The following PPIL4 variants were observed in gnomAD, a reference collection of about 807,000 sequenced individuals.
The protein encoded by PPIL4 is peptidylprolyl isomerase like 4, also known as peptidyl-prolyl cis-trans isomerase-like 4.
A neutral mutation model predicts 69.1 loss-of-function variants in PPIL4; 50 were observed. That is an observed-to-expected ratio of 0.72 (90% confidence interval 0.58 to 0.92). PPIL4 has a LOEUF of 0.92. Among genes scored for constraint, PPIL4 ranks in the 40% least tolerant of loss-of-function variants. The pLI is 0.00. For synonymous variants in PPIL4, 193 were observed against 191.6 expected (o/e 1.01, Z -0.06); for missense variants, 480 against 587.9 (o/e 0.82, Z 1.90).
chr6:149,515,065 C>T (rs1299691975), intron 11 of PPIL4, among the ~76,000 whole-genome samples: 7 of 151,634 alleles, frequency 4.6e-5, no homozygotes, highest in Admixed American at 1.3e-4. Flanking sequence ...CTTGAACTCC[C>T]GACCTCGGGT....
In PPIL4 at chr6:149,512,157, G is replaced by A; in HGVS notation, c.1225C>T (p.Gln409Ter). ...CTAAGTCTGGACATTAGAGGTACCT[G>A]ATTAGTATTTTTGATTGGCATGTAG... ...EDYMPIKNTN[Q>*]DIYREMGFGH... Residue 409 changes from glutamine to a stop codon, truncating the protein, a stop_gained and splice_region_variant, in exon 12 of 13, where the codon CAG becomes TAG. Coordinates refer to ENST00000253329, the MANE Select transcript of PPIL4 (RefSeq NM_139126.4). LOFTEE classifies it high-confidence loss of function. 2 of 1,603,056 alleles carry A rather than the reference G, an allele frequency of 1.2e-6. No homozygotes were observed. Among genetic ancestry groups the A allele is most frequent in the Non-Finnish European group, 1.7e-6 (2 of 1,174,788 alleles).
At chr6:149,543,995 T>C (rs961645338) in intron 1 of PPIL4, among the ~76,000 whole-genome samples, 3 of 152,214 alleles carry the variant, frequency 2.0e-5, no homozygotes, top group African/African-American at 7.2e-5. Context: ...ATATAGCAGG[T>C]ACACATGTAA....
Position 149,512,163 on chromosome 6 carries a change from T to TATTTTTG in PPIL4, c.1212_1218dup (p.Thr407GlnfsTer4). ...CTGGACATTAGAGGTACCTGATTAG[T>TATTTTTG]ATTTTTGATTGGCATGTAGTCCTCA... On this transcript the variant is annotated frameshift_variant, in exon 12 of 13. Coordinates refer to ENST00000253329, the MANE Select transcript of PPIL4 (RefSeq NM_139126.4). LOFTEE classifies it high-confidence loss of function. 6.2e-7 allele frequency: 1 copy of TATTTTTG among 1,606,306 alleles called. No individual in the cohort carries two copies. The highest frequency in any genetic ancestry group is 1.1e-5 in the South Asian group (1 of 89,622).
chr6:149,512,778 T>TGTTGCCCGAGCTGGA (rs1776873736), intron 11 of PPIL4, among the ~76,000 whole-genome samples: 1 of 152,108 alleles, frequency 6.6e-6, no homozygotes, highest in African/African-American at 2.4e-5. Flanking sequence ...AGTCTTGCCC[T>TGTTGCCCGAGCTGGA]GTTGCCCGAG....
At chr6:149,543,574 C>T (rs1433531559) in intron 1 of PPIL4, among the ~76,000 whole-genome samples, 4 of 151,992 alleles carry the variant, frequency 2.6e-5, no homozygotes, top group African/African-American at 9.7e-5. Flanking sequence ...ATCTGTGGTT[C>T]TGTTTTTTTA....
intron 12 of PPIL4, among the ~76,000 whole-genome samples, chr6:149,508,436 G>GA (rs1457352881): frequency 6.6e-6 from 1 of 151,920 alleles, no homozygotes; most frequent in Non-Finnish European, 1.5e-5. Context: ...AAAAAGAAAA[G>GA]AAAAAACGAA....
At chr6:149,506,023 T>C (rs1271978379) in intron 12 of PPIL4, among the ~76,000 whole-genome samples, 1 of 152,232 alleles carries the variant, frequency 6.6e-6, no homozygotes, top group East Asian at 1.9e-4. Flanking sequence ...ATTCTGATTA[T>C]GTATAGTCTT....
chr6:149,531,363 C>CAA (rs34176914), intron 7 of PPIL4, among the ~76,000 whole-genome samples: 44 of 65,812 alleles, frequency 6.7e-4, no homozygotes, highest in African/African-American at 1.7e-3. Flanking sequence ...GATTCTGTCT[C>CAA]AAAAAAAAAA....
chr6:149,522,004 G>C (rs968107756), intron 9 of PPIL4, among the ~76,000 whole-genome samples: 9 of 152,138 alleles, frequency 5.9e-5, no homozygotes, highest in Non-Finnish European at 1.3e-4. Context: ...AGATAAAATA[G>C]TTATAATCAT....
At position 149,543,563 on chromosome 6, in the gene PPIL4, G is replaced by A. The variant is rs148759355; in HGVS notation, c.71-1977C>T. On this transcript the variant is annotated intron_variant, in intron 1 of 12. Coordinates refer to ENST00000253329, the MANE Select transcript of PPIL4 (RefSeq NM_139126.4). ...TGCTAGTTTTTTCAAAGTGTGATAA[G>A]ATCTGTGGTTCTGTTTTTTTATTCT... Among the ~76,000 whole-genome samples, 687 of 152,214 alleles carry A rather than the reference G, an allele frequency of 4.5e-3. 7 individuals carry two copies. Among genetic ancestry groups the A allele is most frequent in the African/African-American group, 0.014 (592 of 41,560 alleles).
chr6:149,511,079 A>G (rs1172630987), intron 12 of PPIL4, among the ~76,000 whole-genome samples: 1 of 152,048 alleles, frequency 6.6e-6, no homozygotes, highest in African/African-American at 2.4e-5. Flanking sequence ...CTATCATACT[A>G]CATTTCTCTA....
intron 7 of PPIL4, 149 bp downstream of exon 7, chr6:149,533,309 T>A (rs1048879607): frequency 1.8e-6 from 1 of 565,724 alleles, no homozygotes; most frequent in Admixed American, 3.3e-5. Context: ...GTAGAGCCAA[T>A]TTATTACTAT....
chr6:149,533,376 C>A, intron 7 of PPIL4, 82 bp downstream of exon 7: 1 of 762,980 alleles, frequency 1.3e-6, no homozygotes. Context: ...CATTTTAAGA[C>A]TACTGAAGAG....
At chr6:149,544,385 T>C (rs1388591532) in intron 1 of PPIL4, among the ~76,000 whole-genome samples, 1 of 152,196 alleles carries the variant, frequency 6.6e-6, no homozygotes, top group Non-Finnish European at 1.5e-5. Flanking sequence ...CACATTTATA[T>C]CCATTAGTCA....
chr6:149,518,470 A>C lies in PPIL4; in HGVS notation c.983-1020T>G, dbSNP rs925592884. Among the ~76,000 whole-genome samples, 5 of 152,318 alleles carry C rather than the reference A, an allele frequency of 3.3e-5. No homozygotes were observed. The East Asian group carries it at 7.7e-4, about 23-fold the overall frequency. The stretch of plus-strand genomic sequence containing the variant: ...TAAATGTAGAAGTAAAACAAACTGG[A>C]GGTACAGACAGAGGTTTTGACTGAG... On this transcript the variant is annotated intron_variant, in intron 10 of 12. Transcript: ENST00000253329.
chr6:149,524,870 C>T (rs1027849592), intron 9 of PPIL4, among the ~76,000 whole-genome samples: 1 of 151,616 alleles, frequency 6.6e-6, no homozygotes, highest in Non-Finnish European at 1.5e-5. Flanking sequence ...CACTGCACTC[C>T]AGCCTGGGCA....
chr6:149,516,087 T>C (rs1776939721), intron 11 of PPIL4, among the ~76,000 whole-genome samples: 1 of 152,228 alleles, frequency 6.6e-6, no homozygotes, highest in African/African-American at 2.4e-5. Flanking sequence ...TGTGGTTGTT[T>C]CAATTAATTA....
intron 5 of PPIL4, 31 bp downstream of exon 5, chr6:149,535,565 A>C: frequency 6.3e-7 from 1 of 1,578,076 alleles, no homozygotes; most frequent in Non-Finnish European, 8.7e-7. Context: ...AAAACATTCT[A>C]GTACATTCAG....
Position 149,541,520 on chromosome 6 carries a change from T to C in PPIL4, c.137A>G (p.Gln46Arg), listed in dbSNP as rs550753103. The change falls in exon 2 of 13, where the codon CAG becomes CGG. Residue 46 changes from glutamine to arginine, a missense_variant and splice_region_variant. By Grantham distance (43) the Gln-to-Arg change is conservative. Transcript: ENST00000253329. ...YYNYCLIHNV[Q>R]RDFIIQTGDP... The stretch of plus-strand genomic sequence containing the variant: ...AATGACTAATATCTACCAACTCACC[T>C]GTACATTGTGAATAAGGCAATAATT... The C allele has an allele frequency of 1.1e-5, 18 of 1,568,430 alleles. No homozygotes were observed. Among genetic ancestry groups the C allele is most frequent in the Non-Finnish European group, 1.6e-5 (18 of 1,139,286 alleles).
Sources: allele counts gnomAD v4.1 joint callset (sites outside exome capture counted in the v4.1 genomes callset), GRCh38; gene constraint gnomAD v4.1.1; transcripts MANE v1.5; gene names NCBI Gene and HGNC (gene_info 2026-07-23, HGNC 2026-07-21).